CCNG1: variants seen among roughly 807,000 people sequenced by gnomAD.
CCNG1 encodes cyclin-G1.
In CCNG1, 13 loss-of-function variants were observed where a neutral mutation model predicts 30.0. That is an observed-to-expected ratio of 0.43 (90% CI 0.28 to 0.69). The LOEUF (loss-of-function observed/expected upper bound fraction) is 0.69, where lower values mean the gene tolerates loss of function less well. Among genes scored for constraint, CCNG1 ranks in the 30% least tolerant of loss-of-function variants. The pLI, the probability that CCNG1 is intolerant of heterozygous loss-of-function variation, is 0.16. For missense variants in CCNG1, 285 were observed against 331.4 expected (o/e 0.86, Z 1.09); for synonymous variants, 110 against 121.5 (o/e 0.91, Z 0.62).
intron 1 of CCNG1, among the ~76,000 whole-genome samples, chr5:163,438,627 C>CT (rs1344159788): frequency 2.0e-5 from 3 of 152,222 alleles, no homozygotes; most frequent in African/African-American, 7.2e-5. Flanking sequence ...CTACCATCTG[C>CT]TTTTCACTTT....
At chr5:163,442,632 A>G in intron 6 of CCNG1, 64 bp downstream of exon 6, 2 of 1,247,946 alleles carry the variant, frequency 1.6e-6, no homozygotes, top group East Asian at 2.3e-5. Flanking sequence ...ATTTTCAACT[A>G]AAGAAGAGTA....
the CCNG1 span, among the ~76,000 whole-genome samples, chr5:163,454,767 G>A: frequency 1.3e-5 from 2 of 152,076 alleles, no homozygotes; most frequent in Non-Finnish European, 2.9e-5. Flanking sequence ...CTTTTTGGTG[G>A]GCTATTTCGT....
the CCNG1 span, chr5:163,454,005 T>G: frequency 6.4e-7 from 1 of 1,562,616 alleles, no homozygotes; most frequent in South Asian, 1.2e-5. Flanking sequence ...CCACCTTTAG[T>G]GTAGTTTCCT....
At chr5:163,457,166 C>T in the CCNG1 span, 2 of 1,349,908 alleles carry the variant, frequency 1.5e-6, no homozygotes, top group Non-Finnish European at 2.0e-6. Flanking sequence ...GACAGTATCA[C>T]TCTCACCCAG....
chr5:163,441,054 C>G lies in CCNG1; in HGVS notation c.265-24C>G, dbSNP rs768056662. 6.9e-6 allele frequency: 11 copies of G among 1,599,316 alleles called. No individual in the cohort carries two copies. The South Asian group carries it at 9.0e-5, about 13-fold the overall frequency. On this transcript the variant is annotated intron_variant, in intron 2 of 6. Coordinates refer to ENST00000340828, the MANE Select transcript of CCNG1 (RefSeq NM_004060.4). ...GAAATAAGGTAGAGTCATGGGCTTACTGGTTTTGTTTTTGATTTTTTAGGT... is the reference window on the plus strand; with the variant it reads ...GAAATAAGGTAGAGTCATGGGCTTAGTGGTTTTGTTTTTGATTTTTTAGGT...
intron 3 of CCNG1, 104 bp from the exon 4 acceptor site, chr5:163,441,782 T>A (rs1757827143): frequency 1.5e-6 from 1 of 678,130 alleles, no homozygotes; most frequent in Admixed American, 2.7e-5. Flanking sequence ...ATGTTAAGTG[T>A]GCATAAGCTT....
intron 2 of CCNG1, 89 bp downstream of exon 2, chr5:163,439,609 CTT>C: frequency 2.9e-6 from 3 of 1,051,908 alleles, no homozygotes; most frequent in Non-Finnish European, 1.3e-6. Context: ...TAAACTTGAC[CTT>C]TTTTTTTTCA....
downstream of CCNG1, chr5:163,446,413 C>T (rs940821396): frequency 1.3e-5 from 2 of 152,128 alleles, no homozygotes; most frequent in Admixed American, 6.5e-5. Flanking sequence ...TGGTCTATAC[C>T]TGGTACTTGG....
the CCNG1 span, chr5:163,457,627 T>C: frequency 2.7e-6 from 4 of 1,506,744 alleles, no homozygotes; most frequent in African/African-American, 1.4e-5. Flanking sequence ...AATAAACATA[T>C]AAGGTGCTAA....
chr5:163,439,221 C>T, intron 1 of CCNG1, 36 bp from the exon 2 acceptor site: 1 of 1,592,018 alleles, frequency 6.3e-7, no homozygotes, highest in Non-Finnish European at 8.6e-7. Flanking sequence ...AAGGACTACT[C>T]TTACACTCCT....
the CCNG1 span, among the ~76,000 whole-genome samples, chr5:163,455,821 T>TATTAGAGTTCTAGAGTA: frequency 4.7e-5 from 7 of 149,956 alleles, no homozygotes; most frequent in Admixed American, 2.6e-4. Context: ...ATTAGAACGT[T>TATTAGAGTTCTAGAGTA]ATTAGAGTAA....
At chr5:163,438,785 T>C (rs1205185664) in intron 1 of CCNG1, among the ~76,000 whole-genome samples, 1 of 151,894 alleles carries the variant, frequency 6.6e-6, no homozygotes, top group East Asian at 1.9e-4. Flanking sequence ...CCCGGCACTT[T>C]GGAAGGCCGA....
chr5:163,453,097 A>G, the CCNG1 span: 28 of 152,248 alleles, frequency 1.8e-4, no homozygotes, highest in Admixed American at 1.4e-3. Flanking sequence ...ATGAGGAATC[A>G]TGTCTTCAAC....
At chr5:163,451,342 T>C in the CCNG1 span, 1 of 152,110 alleles carries the variant, frequency 6.6e-6, no homozygotes, top group Admixed American at 6.6e-5. Flanking sequence ...GACAAAAATA[T>C]GGAGATGGGG....
At chr5:163,457,437 T>C in the CCNG1 span, 1 of 675,888 alleles carries the variant, frequency 1.5e-6, no homozygotes, top group Non-Finnish European at 2.6e-6. Context: ...CATACAACGG[T>C]TTTCAACACA....
At chr5:163,454,405 G>C in the CCNG1 span, among the ~76,000 whole-genome samples, 1 of 152,004 alleles carries the variant, frequency 6.6e-6, no homozygotes, top group Non-Finnish European at 1.5e-5. Context: ...GCAATGGTGC[G>C]ACCTCAGCTC....
chr5:163,441,321 C>T lies in CCNG1; in HGVS notation c.508C>T (p.Pro170Ser). ...TTATTCACTCCTTCAAGAGAACTTG[C>T]CACTTGAAAGGTAAGTGACCTTTGT... is the stretch of plus-strand genomic sequence containing the variant. Reference protein sequence around the residue: ...LYYSLLQENLPLERRNSINFE... With the variant: ...LYYSLLQENLSLERRNSINFE... The change falls in exon 3 of 7, where the codon CCA becomes TCA. Residue 170 changes from proline (P) to serine (S), a missense_variant. Coordinates refer to ENST00000340828, the MANE Select transcript of CCNG1 (RefSeq NM_004060.4). 2 of 1,613,336 alleles carry T rather than the reference C, an allele frequency of 1.2e-6. No homozygotes were observed. Among genetic ancestry groups the T allele is most frequent in the East Asian group, 2.2e-5 (1 of 44,856 alleles).
intron 6 of CCNG1, 79 bp downstream of exon 6, chr5:163,442,647 T>C: frequency 8.9e-7 from 1 of 1,129,454 alleles, no homozygotes; most frequent in Non-Finnish European, 1.3e-6. Context: ...AGAGTAATTA[T>C]CTTCAAAATA....
At position 163,442,506 on chromosome 5, in the gene CCNG1, T is replaced by C. The variant is rs147340522; in HGVS notation, c.829T>C (p.Leu277=). The change falls in exon 6 of 7, where the codon TTG becomes CTG. Residue 277 remains leucine, a synonymous_variant. Coordinates refer to ENST00000340828, the MANE Select transcript of CCNG1 (RefSeq NM_004060.4). ...TGTTTCTGGGCGTACTGCACGGCAA[T>C]TGAAGCATAGCTACTACAGAATAAC... ...WIVSGRTARQ[L]KHSYYRITHL... 279 of 1,613,890 alleles carry C rather than the reference T, an allele frequency of 1.7e-4. No individual in the cohort carries two copies. The highest frequency in any genetic ancestry group is 2.1e-4 in the Non-Finnish European group (252 of 1,179,940).
Sources: gnomAD v4.1 joint callset for allele counts (sites outside exome capture counted in the v4.1 genomes callset) on GRCh38, gnomAD v4.1.1 for gene constraint, MANE v1.5 for transcripts, NCBI Gene and HGNC (gene_info 2026-07-23, HGNC 2026-07-21) for gene names.